Variants in JAZF1 observed in about 807,000 individuals in gnomAD.
The protein encoded by JAZF1 is juxtaposed with another zinc finger protein 1.
A neutral mutation model predicts 26.4 loss-of-function variants in JAZF1; 8 were observed. That is an observed-to-expected ratio of 0.30 (90% CI 0.18 to 0.55). JAZF1 has a LOEUF of 0.55. Among genes scored for constraint, JAZF1 ranks in the 20% least tolerant of loss-of-function variants. The probability of loss-of-function intolerance (pLI) is 0.94; values close to 1 mark genes in which losing one functional copy is unlikely to be tolerated. For missense variants in JAZF1, 199 were observed against 322.0 expected (o/e 0.62, Z 2.92); for synonymous variants, 126 against 122.3 (o/e 1.03, Z -0.20).
At chr7:28,076,735 G>C (rs574901751) in intron 1 of JAZF1, among the ~76,000 whole-genome samples, 2 of 148,606 alleles carry the variant, frequency 1.3e-5, no homozygotes, top group African/African-American at 2.5e-5. Flanking sequence ...AAAAAATCCC[G>C]TGTGGAAATG....
chr7:28,100,264 A>G (rs1223584848), intron 1 of JAZF1, among the ~76,000 whole-genome samples: 3 of 152,216 alleles, frequency 2.0e-5, no homozygotes, highest in Non-Finnish European at 4.4e-5. Flanking sequence ...AATACATAAG[A>G]GCATTTCTAT....
chr7:28,136,295 G>A (rs918871887), intron 1 of JAZF1, among the ~76,000 whole-genome samples: 5 of 152,208 alleles, frequency 3.3e-5, no homozygotes, highest in African/African-American at 1.2e-4. Context: ...AGAATGAGTG[G>A]TAGGCCTGGG....
chr7:27,857,135 G>A (rs995980075), intron 3 of JAZF1, among the ~76,000 whole-genome samples: 3 of 152,332 alleles, frequency 2.0e-5, no homozygotes, highest in Admixed American at 6.5e-5. Context: ...CTTGGGCCGC[G>A]CAGGAGCCCA....
intron 1 of JAZF1, among the ~76,000 whole-genome samples, chr7:28,128,797 C>T (rs956197101): frequency 1.1e-4 from 16 of 152,178 alleles, no homozygotes; most frequent in African/African-American, 3.6e-4. Flanking sequence ...TGCACTGTAC[C>T]TCCTGCATGA....
chr7:28,014,366 T>A (rs1782847216), intron 1 of JAZF1, among the ~76,000 whole-genome samples: 1 of 152,230 alleles, frequency 6.6e-6, no homozygotes, highest in South Asian at 2.1e-4. Context: ...ATCTTATGGG[T>A]TGATATGGTT....
chr7:27,952,218 C>T (rs758915209), intron 2 of JAZF1, among the ~76,000 whole-genome samples: 5 of 152,172 alleles, frequency 3.3e-5, no homozygotes, highest in Non-Finnish European at 7.3e-5. Flanking sequence ...AACTACTTTG[C>T]ACAAGGTAGA....
At chr7:27,834,459 A>G (rs986022404) in intron 4 of JAZF1, among the ~76,000 whole-genome samples, 9 of 152,240 alleles carry the variant, frequency 5.9e-5, no homozygotes, top group African/African-American at 2.2e-4. Context: ...GATTTGAAGC[A>G]GAAGGACAAA....
At chr7:28,104,240 T>G (rs1033188378) in intron 1 of JAZF1, among the ~76,000 whole-genome samples, 1 of 152,198 alleles carries the variant, frequency 6.6e-6, no homozygotes, top group Non-Finnish European at 1.5e-5. Flanking sequence ...CCACTTTCCT[T>G]ATCTTACTTT....
intron 1 of JAZF1, among the ~76,000 whole-genome samples, chr7:28,076,588 A>C (rs775297615): frequency 6.6e-6 from 1 of 152,120 alleles, no homozygotes; most frequent in Non-Finnish European, 1.5e-5. Context: ...CAATTATGTT[A>C]TCTATCTGCA....
At chr7:28,167,302 T>G (rs1783385517) in intron 1 of JAZF1, among the ~76,000 whole-genome samples, 1 of 152,218 alleles carries the variant, frequency 6.6e-6, no homozygotes, top group African/African-American at 2.4e-5. Flanking sequence ...ACAGCTTTCT[T>G]TTCTTCAGAA....
intron 1 of JAZF1, among the ~76,000 whole-genome samples, chr7:28,178,801 A>G (rs1005669181): frequency 1.3e-5 from 2 of 152,274 alleles, no homozygotes; most frequent in Admixed American, 1.3e-4. Flanking sequence ...TACCTTTAGC[A>G]GAGGAAATGG....
At chr7:28,172,127 A>G (rs1329777050) in intron 1 of JAZF1, among the ~76,000 whole-genome samples, 1 of 152,250 alleles carries the variant, frequency 6.6e-6, no homozygotes, top group Non-Finnish European at 1.5e-5. Flanking sequence ...TTTGGGCTGT[A>G]TACTCTGATG....
At chr7:28,102,255 G>T (rs1468376415) in intron 1 of JAZF1, among the ~76,000 whole-genome samples, 1 of 152,214 alleles carries the variant, frequency 6.6e-6, no homozygotes, top group Non-Finnish European at 1.5e-5. Flanking sequence ...ACAAGCAAAT[G>T]TCTTTATCTC....
intron 4 of JAZF1, among the ~76,000 whole-genome samples, chr7:27,834,859 G>C (rs1249119195): frequency 6.6e-6 from 1 of 152,198 alleles, no homozygotes; most frequent in African/African-American, 2.4e-5. Flanking sequence ...AAAGATAATT[G>C]TTTTAAGCCA....
chr7:28,102,354 G>A (rs888903608), intron 1 of JAZF1, among the ~76,000 whole-genome samples: 1 of 152,220 alleles, frequency 6.6e-6, no homozygotes, highest in Non-Finnish European at 1.5e-5. Flanking sequence ...TGAATAAAAT[G>A]CCTGGCGATA....
At chr7:28,082,477 C>A (rs1784152507) in intron 1 of JAZF1, among the ~76,000 whole-genome samples, 1 of 152,102 alleles carries the variant, frequency 6.6e-6, no homozygotes, top group East Asian at 1.9e-4. Context: ...CTTCTCATAC[C>A]ACACGGTCTT....
At chr7:27,976,405 A>G (rs1224709373) in intron 2 of JAZF1, among the ~76,000 whole-genome samples, 2 of 152,012 alleles carry the variant, frequency 1.3e-5, no homozygotes, top group African/African-American at 4.8e-5. Flanking sequence ...TGAGCACACC[A>G]AATCAAATTA....
intron 2 of JAZF1, among the ~76,000 whole-genome samples, chr7:27,947,940 G>T (rs1281722699): frequency 1.3e-5 from 2 of 152,162 alleles, no homozygotes; most frequent in Non-Finnish European, 2.9e-5. Context: ...AACTCTGCTT[G>T]CTTTCCTACT....
chr7:28,003,755 C>T (rs1326051661), intron 1 of JAZF1, among the ~76,000 whole-genome samples: 1 of 152,072 alleles, frequency 6.6e-6, no homozygotes, highest in Non-Finnish European at 1.5e-5. Context: ...ATCACATTTA[C>T]CTGAAACCTA....
Sources: allele counts gnomAD v4.1 joint callset (sites outside exome capture counted in the v4.1 genomes callset), GRCh38; gene constraint gnomAD v4.1.1; transcripts MANE v1.5; gene names NCBI Gene and HGNC (gene_info 2026-07-23, HGNC 2026-07-21).